The following CSMD1 variants were observed in gnomAD, a reference collection of about 807,000 sequenced individuals.
CSMD1 encodes the protein CUB and Sushi multiple domains 1.
A neutral mutation model predicts 417.5 loss-of-function variants in CSMD1; 213 were observed. The ratio of observed to expected loss-of-function variants is 0.51; its 90% CI spans 0.46 to 0.57. CSMD1 has a LOEUF of 0.57. Among genes scored for constraint, CSMD1 ranks in the 20% least tolerant of loss-of-function variants. The pLI is 0.00. For missense variants in CSMD1, 6,923 were observed against 4,529.7 expected (o/e 1.53, Z -15.17); for synonymous variants, 2,862 against 1,736.8 (o/e 1.65, Z -16.11).
rs76093785 is a variant in CSMD1, at chr8:4,173,504, G to A, written c.416-141405C>T. On this transcript the variant is annotated intron_variant, in intron 3 of 69. Transcript: ENST00000635120. ...CTAGAGACACAGCTAAGTGCTCTCG[G>A]TAGATGGGGATAAACACCATCCTCT... Among the ~76,000 whole-genome samples, 16 of 152,218 alleles carry A rather than the reference G, an allele frequency of 1.1e-4. No individual in the cohort carries two copies. In the East Asian group the frequency reaches 2.5e-3, roughly 24 times the overall value.
Position 3,995,878 on chromosome 8 carries a change from T to G in CSMD1, c.818+2025A>C, listed in dbSNP as rs1225341898. Among the ~76,000 whole-genome samples, 5 of 152,324 alleles carry G rather than the reference T, an allele frequency of 3.3e-5. No homozygotes were observed. In the East Asian group the frequency reaches 9.6e-4, roughly 29 times the overall value. ...AGGCACACAGGATCATAGTTCCCAC[T>G]GATAACTTTCCCACCAGCTTCCCTA... On this transcript the variant is annotated intron_variant, in intron 5 of 69. Transcript: ENST00000635120.
At chr8:3,482,326 A>T (rs1289845183) in intron 11 of CSMD1, among the ~76,000 whole-genome samples, 1 of 152,206 alleles carries the variant, frequency 6.6e-6, no homozygotes, top group Admixed American at 6.5e-5. Flanking sequence ...TAAAAGAAAC[A>T]AAAGACATAC....
intron 5 of CSMD1, among the ~76,000 whole-genome samples, chr8:3,765,023 G>C (rs572694187): frequency 1.3e-5 from 2 of 151,872 alleles, no homozygotes; most frequent in South Asian, 4.2e-4. Context: ...GGGATTACAG[G>C]CATGACCCAC....
chr8:3,646,051 A>C (rs1797555147), intron 7 of CSMD1, among the ~76,000 whole-genome samples: 1 of 106,580 alleles, frequency 9.4e-6, no homozygotes, highest in South Asian at 2.7e-4. Flanking sequence ...ATTCCCAACC[A>C]AAAAAAAAAA....
chr8:3,618,180 A>T (rs1227209341), intron 7 of CSMD1, among the ~76,000 whole-genome samples: 1 of 151,988 alleles, frequency 6.6e-6, no homozygotes, highest in Non-Finnish European at 1.5e-5. Context: ...TAAAAAAAAA[A>T]TCTTTTCTAG....
chr8:3,803,109 C>T (rs972932851), intron 5 of CSMD1, among the ~76,000 whole-genome samples: 1 of 152,144 alleles, frequency 6.6e-6, no homozygotes, highest in African/African-American at 2.4e-5. Flanking sequence ...GTGTTCTCTC[C>T]ATCATGCTGT....
chr8:4,090,311 G>A (rs1008371699), intron 3 of CSMD1, among the ~76,000 whole-genome samples: 5 of 152,080 alleles, frequency 3.3e-5, no homozygotes, highest in Admixed American at 2.0e-4. Context: ...AGGTAATATC[G>A]TTTATAAAGA....
intron 3 of CSMD1, among the ~76,000 whole-genome samples, chr8:4,369,848 T>TGG (rs1316076975): frequency 6.6e-6 from 1 of 152,230 alleles, no homozygotes; most frequent in Non-Finnish European, 1.5e-5. Context: ...GACGAGTATC[T>TGG]GGAAGACAGC....
chr8:4,303,740 C>A (rs192481420), intron 3 of CSMD1, among the ~76,000 whole-genome samples: 2 of 152,172 alleles, frequency 1.3e-5, no homozygotes, highest in African/African-American at 4.8e-5. Context: ...ACCCCAACCT[C>A]AGCCTCCTGG....
intron 3 of CSMD1, among the ~76,000 whole-genome samples, chr8:4,120,236 T>A (rs1171407431): frequency 6.6e-6 from 1 of 152,162 alleles, no homozygotes; most frequent in Non-Finnish European, 1.5e-5. Flanking sequence ...CTGACAGCCA[T>A]GACTCCTGGG....
intron 5 of CSMD1, among the ~76,000 whole-genome samples, chr8:3,962,271 T>G (rs534847467): frequency 6.6e-6 from 1 of 152,046 alleles, no homozygotes; most frequent in African/African-American, 2.4e-5. Context: ...GAGGTTCTTC[T>G]GTCCTGGAAC....
At chr8:3,434,828 G>C (rs1042554073) in intron 12 of CSMD1, among the ~76,000 whole-genome samples, 2 of 152,202 alleles carry the variant, frequency 1.3e-5, no homozygotes, top group African/African-American at 4.8e-5. Context: ...ATGAGTCAGA[G>C]TGCTGGCAGG....
At chr8:3,072,678 G>T (rs181541098) in intron 49 of CSMD1, among the ~76,000 whole-genome samples, 2 of 152,152 alleles carry the variant, frequency 1.3e-5, no homozygotes, top group Non-Finnish European at 2.9e-5. Flanking sequence ...CACTAGGGAA[G>T]CAGATGTGGC....
At position 3,468,362 on chromosome 8, in the gene CSMD1, T is replaced by C. The variant is rs534563785; in HGVS notation, c.1561+350A>G. Among the ~76,000 whole-genome samples, 3 of 152,318 alleles carry C rather than the reference T, an allele frequency of 2.0e-5. No individual in the cohort carries two copies. The South Asian group carries it at 6.2e-4, about 32-fold the overall frequency. On this transcript the variant is annotated intron_variant, in intron 12 of 69. Transcript: ENST00000635120. ...TATTTTCAGATTCACTATATTGTCT[T>C]TTCTATGTTTGCTCACATAAAAGAA...
chr8:3,807,469 G>C lies in CSMD1; in HGVS notation c.819-53427C>G, dbSNP rs1423516320. 3.9e-5 allele frequency among the ~76,000 whole-genome samples: 6 copies of C among 152,280 alleles called. No homozygotes were observed. The South Asian group carries it at 1.0e-3, about 26-fold the overall frequency. ...ATGAAAGGCAAAGATCACTGAGCCA[G>C]AAATGTCAAGTTATCTTTGAAACAT... On this transcript the variant is annotated intron_variant, in intron 5 of 69. Transcript: ENST00000635120.
intron 12 of CSMD1, among the ~76,000 whole-genome samples, chr8:3,464,530 T>C (rs1404507195): frequency 6.6e-6 from 1 of 151,078 alleles, no homozygotes; most frequent in African/African-American, 2.4e-5. Context: ...TATAGTATTC[T>C]GAGATTTACT....
chr8:4,134,981 T>G (rs970842622), intron 3 of CSMD1, among the ~76,000 whole-genome samples: 4 of 152,320 alleles, frequency 2.6e-5, no homozygotes, highest in Non-Finnish European at 5.9e-5. Flanking sequence ...CTCAGCTTAG[T>G]GTCTGGGTTC....
intron 12 of CSMD1, among the ~76,000 whole-genome samples, chr8:3,457,020 T>C (rs1199716531): frequency 6.6e-6 from 1 of 151,728 alleles, no homozygotes; most frequent in Non-Finnish European, 1.5e-5. Context: ...GCACATCTCA[T>C]CCTGGACCCC....
intron 4 of CSMD1, among the ~76,000 whole-genome samples, chr8:4,029,364 C>G (rs537871129): frequency 1.3e-5 from 2 of 152,164 alleles, no homozygotes; most frequent in Admixed American, 1.3e-4. Flanking sequence ...GATGGACATA[C>G]AGTTCTATAT....
Sources: allele counts gnomAD v4.1 joint callset (sites outside exome capture counted in the v4.1 genomes callset), GRCh38; gene constraint gnomAD v4.1.1; transcripts MANE v1.5; gene names NCBI Gene and HGNC (gene_info 2026-07-23, HGNC 2026-07-21).